Variants in KCNJ18 observed in about 807,000 individuals in gnomAD.
KCNJ18 encodes the protein inward rectifier potassium channel 18.
Under a neutral mutation model 17.3 loss-of-function variants are expected in KCNJ18, and 16 were observed. The observed-to-expected ratio is 0.92, with a 90% CI of 0.62 to 1.40. KCNJ18 has a LOEUF of 1.40. Among genes scored for constraint, KCNJ18 ranks in the 40% most tolerant of loss-of-function variants. The pLI is 0.00. For synonymous variants in KCNJ18, 185 were observed against 262.6 expected, an observed-to-expected ratio of 0.70 and a Z score of 2.86; for missense variants, 462 against 626.8, an observed-to-expected ratio of 0.74 and a Z score of 2.81.
At position 21,703,923 on chromosome 17, in the gene KCNJ18, C is replaced by G; in HGVS notation, c.1137C>G (p.Asn379Lys). ...GTGCCAACTCCTTCTGCTATGAGAA[C>G]GAGCTGGCCTTCCTGAGCCGTGACG... Reference protein sequence around the residue: ...LPSANSFCYENELAFLSRDEE... With the variant: ...LPSANSFCYEKELAFLSRDEE... The change falls in exon 3 of 3, where the codon AAC becomes AAG. Residue 379 changes from asparagine to lysine, a missense_variant. By Grantham distance (94) the Asn-to-Lys change is moderately conservative. Transcript: ENST00000567955. The G allele has an allele frequency of 6.2e-7, 1 of 1,611,734 alleles. No homozygotes were observed. Among genetic ancestry groups the G allele is most frequent in the Non-Finnish European group, 8.5e-7 (1 of 1,180,006 alleles).
At chr17:21,702,634 TG>T in intron 2 of KCNJ18, 96 bp from the exon 3 acceptor site, 1 of 853,014 alleles carries the variant, frequency 1.2e-6, no homozygotes, top group Non-Finnish European at 1.8e-6. Context: ...TCAATCAGGG[TG>T]GAAGCGTCCT....
At chr17:21,697,612 G>A (rs1363939774) in intron 2 of KCNJ18, among the ~76,000 whole-genome samples, 1 of 152,290 alleles carries the variant, frequency 6.6e-6, no homozygotes, top group South Asian at 2.1e-4. Flanking sequence ...CCCCAGCAGT[G>A]CCCCTCCTGG....
chr17:21,701,951 A>G lies in KCNJ18; in HGVS notation c.-56-780A>G, dbSNP rs1905969801. Among the ~76,000 whole-genome samples the G allele has an allele frequency of 3.3e-5, 5 of 152,256 alleles. No individual in the cohort carries two copies. The South Asian group carries it at 1.0e-3, about 32-fold the overall frequency. ...AAGAAAAAAGAAAAGAAAAAAAAAG[A>G]AAATGTGCTACCCTTAGGGAGTGGT... On this transcript the variant is annotated intron_variant, in intron 2 of 2. Transcript: ENST00000567955.
At chr17:21,698,888 C>T (rs1295693605) in intron 2 of KCNJ18, among the ~76,000 whole-genome samples, 2 of 152,394 alleles carry the variant, frequency 1.3e-5, no homozygotes, top group East Asian at 3.9e-4. Context: ...CTGCTCTCTC[C>T]CTCCTGGGTT....
In KCNJ18 at chr17:21,696,462, A is replaced by G. The variant is rs1905762557; in HGVS notation, c.-57+358A>G. 2.0e-5 allele frequency among the ~76,000 whole-genome samples: 3 copies of G among 152,092 alleles called. No homozygotes were observed. The South Asian group carries it at 6.2e-4, about 32-fold the overall frequency. On this transcript the variant is annotated intron_variant, in intron 2 of 2. Transcript: ENST00000567955. ...TGCCTGACCACCCACATGTTGATTC[A>G]ATCACTCTTCCACCCATCTCCTCAT...
intron 2 of KCNJ18, among the ~76,000 whole-genome samples, chr17:21,698,953 C>T (rs1905852381): frequency 6.6e-6 from 1 of 152,232 alleles, no homozygotes; most frequent in Non-Finnish European, 1.5e-5. Flanking sequence ...GTAGTGTACC[C>T]CAGCGCCCCT....
chr17:21,695,609 A>G (rs1337265182), intron 1 of KCNJ18, among the ~76,000 whole-genome samples: 1 of 152,296 alleles, frequency 6.6e-6, no homozygotes, highest in Non-Finnish European at 1.5e-5. Context: ...TGACAGTGGG[A>G]GAATTACCAC....
In KCNJ18 at chr17:21,702,126, G is replaced by A. The variant is rs1478515830; in HGVS notation, c.-56-605G>A. ...GCACAAGGAGGCCTCTGGTGCCAAGGTGGCGAGGCAGTGGCAGGATGTCTT... is the reference window on the plus strand; with the variant it reads ...GCACAAGGAGGCCTCTGGTGCCAAGATGGCGAGGCAGTGGCAGGATGTCTT... On this transcript the variant is annotated intron_variant, in intron 2 of 2. Transcript: ENST00000567955. Among the ~76,000 whole-genome samples the A allele has an allele frequency of 7.2e-5, 11 of 152,320 alleles. No homozygotes were observed. The East Asian group carries it at 1.9e-3, about 27-fold the overall frequency.
chr17:21,693,637 G>A (rs1163974707), intron 1 of KCNJ18, among the ~76,000 whole-genome samples: 3 of 152,308 alleles, frequency 2.0e-5, no homozygotes, highest in African/African-American at 7.2e-5. Flanking sequence ...TGTGAGCATC[G>A]GGATGACTGC....
rs1376899192 is a variant in KCNJ18, at chr17:21,702,781, C to T, written c.-6C>T. 35 of 1,578,924 alleles carry T rather than the reference C, an allele frequency of 2.2e-5. No homozygotes were observed. Among genetic ancestry groups the T allele is most frequent in the Non-Finnish European group, 2.9e-5 (34 of 1,170,572 alleles). ...GGGGGTGAGCCAGGGTCCCCCAACCCCCGGGATGACCGCGGCCAGCCGGGC... is the reference window on the plus strand; with the variant it reads ...GGGGGTGAGCCAGGGTCCCCCAACCTCCGGGATGACCGCGGCCAGCCGGGC... On this transcript the variant is annotated 5_prime_UTR_variant, in exon 3 of 3. Coordinates refer to ENST00000567955, the MANE Select transcript of KCNJ18 (RefSeq NM_001194958.2).
intron 2 of KCNJ18, among the ~76,000 whole-genome samples, chr17:21,697,666 G>C (rs1429057220): frequency 6.6e-6 from 1 of 152,312 alleles, no homozygotes; most frequent in Non-Finnish European, 1.5e-5. Flanking sequence ...TACACCCAGG[G>C]CAGGGCCTGG....
chr17:21,700,190 T>A (rs1292928098), intron 2 of KCNJ18, among the ~76,000 whole-genome samples: 1 of 150,778 alleles, frequency 6.6e-6, no homozygotes, highest in African/African-American at 2.4e-5. Context: ...CATGGTGAGG[T>A]GGTCAGCCAC....
chr17:21,695,199 T>TCATC (rs1172981300), intron 1 of KCNJ18, among the ~76,000 whole-genome samples: 113 of 147,252 alleles, frequency 7.7e-4, no homozygotes, highest in African/African-American at 2.5e-3. Flanking sequence ...ATCCATCCAT[T>TCATC]CATCCATCCA....
At chr17:21,699,727 G>T (rs1271790710) in intron 2 of KCNJ18, among the ~76,000 whole-genome samples, 1 of 152,310 alleles carries the variant, frequency 6.6e-6, no homozygotes, top group East Asian at 1.9e-4. Flanking sequence ...TTCCAAGCCT[G>T]TATGACACCA....
chr17:21,699,453 C>T (rs1905866029), intron 2 of KCNJ18, among the ~76,000 whole-genome samples: 1 of 152,144 alleles, frequency 6.6e-6, no homozygotes, highest in South Asian at 2.1e-4. Context: ...AGTGAGGGGG[C>T]TCCCAGCACC....
At chr17:21,701,962 C>A (rs1905970201) in intron 2 of KCNJ18, among the ~76,000 whole-genome samples, 1 of 152,192 alleles carries the variant, frequency 6.6e-6, no homozygotes. Context: ...AAATGTGCTA[C>A]CCTTAGGGAG....
chr17:21,696,966 T>C (rs1332123655), intron 2 of KCNJ18, among the ~76,000 whole-genome samples: 6 of 152,180 alleles, frequency 3.9e-5, no homozygotes, highest in African/African-American at 1.4e-4. Flanking sequence ...ATAAAGGGCA[T>C]GTCGTTGATA....
intron 1 of KCNJ18, among the ~76,000 whole-genome samples, chr17:21,693,438 G>A: frequency 6.6e-6 from 1 of 152,312 alleles, no homozygotes. Context: ...CCAGCAGGAT[G>A]TGGATAGATG....
intron 2 of KCNJ18, among the ~76,000 whole-genome samples, chr17:21,702,053 A>AG (rs1159680317): frequency 5.3e-5 from 8 of 151,528 alleles, no homozygotes; most frequent in Non-Finnish European, 1.2e-4. Flanking sequence ...GCCCTTAGAA[A>AG]GGGCAGTGCT....
Sources: gnomAD v4.1 joint callset for allele counts (sites outside exome capture counted in the v4.1 genomes callset) on GRCh38, gnomAD v4.1.1 for gene constraint, MANE v1.5 for transcripts, NCBI Gene and HGNC (gene_info 2026-07-23, HGNC 2026-07-21) for gene names.